RBFOX3: variants seen among roughly 807,000 people sequenced by gnomAD.
RBFOX3 encodes RNA binding fox-1 homolog 3.
Under a neutral mutation model 48.7 loss-of-function variants are expected in RBFOX3, and 17 were observed. The observed-to-expected ratio is 0.35, with a 90% CI of 0.24 to 0.52. The LOEUF is 0.52. RBFOX3 is among the 20% of genes least tolerant of loss of function. RBFOX3 has a pLI of 0.94. For missense variants in RBFOX3, 382 were observed against 497.5 expected (o/e 0.77, Z 2.21); for synonymous variants, 212 against 209.5 (o/e 1.01, Z -0.10).
intron 3 of RBFOX3, among the ~76,000 whole-genome samples, chr17:79,269,284 C>T (rs1600319161): frequency 6.6e-6 from 1 of 152,326 alleles, no homozygotes; most frequent in East Asian, 1.9e-4. Context: ...CCTGCCCACA[C>T]CCTGACTTCA....
chr17:79,567,135 C>T (rs1483735592), intron 1 of RBFOX3, among the ~76,000 whole-genome samples: 2 of 151,550 alleles, frequency 1.3e-5, no homozygotes, highest in Non-Finnish European at 2.9e-5. Flanking sequence ...TTTGAGTTCC[C>T]ACGTATGAGT....
chr17:79,238,889 C>T (rs968928501), intron 3 of RBFOX3, among the ~76,000 whole-genome samples: 1 of 152,158 alleles, frequency 6.6e-6, no homozygotes, highest in Admixed American at 6.5e-5. Context: ...GGTCAAAGAG[C>T]CGGTCGAGCC....
At chr17:79,106,983 C>G (rs1472438011) in intron 5 of RBFOX3, among the ~76,000 whole-genome samples, 195 bp from the exon 6 acceptor site, 1 of 152,222 alleles carries the variant, frequency 6.6e-6, no homozygotes, top group Non-Finnish European at 1.5e-5. Flanking sequence ...GCACCTCACA[C>G]AGAGAGGCCC....
At chr17:79,126,101 G>A (rs910518286) in intron 4 of RBFOX3, among the ~76,000 whole-genome samples, 1 of 152,234 alleles carries the variant, frequency 6.6e-6, no homozygotes, top group Non-Finnish European at 1.5e-5. Flanking sequence ...CCGTGAGCAG[G>A]AAAGCCCCTC....
At chr17:79,620,411 GGACA>G in the RBFOX3 span, among the ~76,000 whole-genome samples, 1 of 131,716 alleles carries the variant, frequency 7.6e-6, no homozygotes, top group Non-Finnish European at 1.6e-5. Flanking sequence ...GCACACACAC[GGACA>G]TGCACACACG....
chr17:79,516,820 T>G (rs1272789951), intron 1 of RBFOX3, among the ~76,000 whole-genome samples: 2 of 152,144 alleles, frequency 1.3e-5, no homozygotes, highest in Non-Finnish European at 2.9e-5. Context: ...GAAAGGAAGC[T>G]CTGACACACG....
At chr17:79,176,657 G>A (rs2050613443) in intron 4 of RBFOX3, among the ~76,000 whole-genome samples, 1 of 152,220 alleles carries the variant, frequency 6.6e-6, no homozygotes, top group African/African-American at 2.4e-5. Context: ...TGGCTGGAGG[G>A]GGTTTCCCAG....
intron 2 of RBFOX3, among the ~76,000 whole-genome samples, chr17:79,451,040 C>T (rs1469814200): frequency 6.6e-6 from 1 of 152,126 alleles, no homozygotes; most frequent in Non-Finnish European, 1.5e-5. Context: ...CTGGGGGGCC[C>T]GATGGCTCAC....
chr17:79,260,701 G>A (rs996940270), intron 3 of RBFOX3, among the ~76,000 whole-genome samples: 1 of 152,172 alleles, frequency 6.6e-6, no homozygotes, highest in Non-Finnish European at 1.5e-5. Flanking sequence ...CGGCCTTGGG[G>A]CCTGATGGGA....
chr17:79,107,124 C>T (rs1050629518), intron 5 of RBFOX3, among the ~76,000 whole-genome samples: 4 of 152,242 alleles, frequency 2.6e-5, no homozygotes, highest in Non-Finnish European at 4.4e-5. Context: ...TGAACCTCCA[C>T]GGTCTCTTAG....
chr17:79,348,400 C>A (rs944821363), intron 2 of RBFOX3, among the ~76,000 whole-genome samples: 7 of 152,072 alleles, frequency 4.6e-5, no homozygotes, highest in Non-Finnish European at 1.0e-4. Context: ...TTGGCCCACC[C>A]CTGCTCCAGG....
At chr17:79,419,439 C>T (rs571886539) in intron 2 of RBFOX3, among the ~76,000 whole-genome samples, 1 of 152,282 alleles carries the variant, frequency 6.6e-6, no homozygotes, top group South Asian at 2.1e-4. Context: ...ACAGGAGCTT[C>T]GGAAGTGCAT....
chr17:79,522,970 T>G (rs1245144412), intron 1 of RBFOX3, among the ~76,000 whole-genome samples: 1 of 148,876 alleles, frequency 6.7e-6, no homozygotes, highest in Non-Finnish European at 1.5e-5. Context: ...AAGGAAGCTC[T>G]GACGCAGGCC....
intron 2 of RBFOX3, among the ~76,000 whole-genome samples, chr17:79,414,662 C>T (rs369436460): frequency 7.9e-5 from 12 of 152,302 alleles, no homozygotes; most frequent in East Asian, 5.8e-4. Flanking sequence ...CTGGGAGGTC[C>T]GGCCTGGCAG....
At chr17:79,141,835 G>A (rs200666114) in intron 4 of RBFOX3, among the ~76,000 whole-genome samples, 1,649 of 152,282 alleles carry the variant, frequency 0.011, 39 homozygotes, top group African/African-American at 0.038. Context: ...CAGTGATGCC[G>A]AAAGTGAGCG....
At position 79,438,958 on chromosome 17, in the gene RBFOX3, T is replaced by TC. The variant is rs1381571713; in HGVS notation, c.-175+43495dup. ...CATGGGGCAGGAAGCTGGGGAAATCTCCCTTTTCTCCCTCCTCCCGAAACC... is the reference window on the plus strand; with the variant it reads ...CATGGGGCAGGAAGCTGGGGAAATCTCCCCTTTTCTCCCTCCTCCCGAAACC... On this transcript the variant is annotated intron_variant, in intron 2 of 14. Transcript: ENST00000693108. 4.6e-5 allele frequency among the ~76,000 whole-genome samples: 7 copies of TC among 152,304 alleles called. No homozygotes were observed. The East Asian group carries it at 1.4e-3, about 29-fold the overall frequency.
chr17:79,380,817 T>A (rs1474842827), intron 2 of RBFOX3, among the ~76,000 whole-genome samples: 1 of 152,086 alleles, frequency 6.6e-6, no homozygotes, highest in Non-Finnish European at 1.5e-5. Flanking sequence ...CACCACACTT[T>A]CTAAACACCT....
chr17:79,239,526 A>G (rs1267304456), intron 3 of RBFOX3, among the ~76,000 whole-genome samples: 1 of 152,186 alleles, frequency 6.6e-6, no homozygotes, highest in Non-Finnish European at 1.5e-5. Flanking sequence ...GCCAGGCTCA[A>G]ATTGTCTCCA....
intron 2 of RBFOX3, among the ~76,000 whole-genome samples, chr17:79,346,335 T>C (rs1163267083): frequency 6.6e-6 from 1 of 152,144 alleles, no homozygotes; most frequent in East Asian, 1.9e-4. Context: ...ACTACACAAT[T>C]TTTTTTTCCA....
Sources: allele counts gnomAD v4.1 joint callset (sites outside exome capture counted in the v4.1 genomes callset), GRCh38; gene constraint gnomAD v4.1.1; transcripts MANE v1.5; gene names NCBI Gene and HGNC (gene_info 2026-07-23, HGNC 2026-07-21).